Variants in NRG3 observed in about 807,000 individuals in gnomAD.
NRG3 encodes neuregulin 3.
Under a neutral mutation model 66.9 loss-of-function variants are expected in NRG3, and 31 were observed. The observed-to-expected ratio is 0.46, with a 90% CI of 0.35 to 0.63. The LOEUF (loss-of-function observed/expected upper bound fraction) is 0.63, where lower values mean the gene tolerates loss of function less well. Among genes scored for constraint, NRG3 ranks in the 20% least tolerant of loss-of-function variants. NRG3 has a pLI of 0.00. For synonymous variants in NRG3, 393 were observed against 359.4 expected, an observed-to-expected ratio of 1.09 and a Z score of -1.06; for missense variants, 910 against 878.9, an observed-to-expected ratio of 1.04 and a Z score of -0.45.
chr10:82,223,487 C>T (rs994683356), intron 1 of NRG3, among the ~76,000 whole-genome samples: 1 of 152,142 alleles, frequency 6.6e-6, no homozygotes, highest in Admixed American at 6.5e-5. Context: ...ACCTTGGCCG[C>T]TTTTCCCCCT....
chr10:82,876,571 A>C (rs914270130), intron 4 of NRG3, among the ~76,000 whole-genome samples: 2 of 152,224 alleles, frequency 1.3e-5, no homozygotes, highest in Non-Finnish European at 2.9e-5. Flanking sequence ...AATCAGACAC[A>C]GAATAATCTG....
chr10:82,106,613 C>T (rs751276730), intron 1 of NRG3, among the ~76,000 whole-genome samples: 1 of 151,204 alleles, frequency 6.6e-6, no homozygotes, highest in Non-Finnish European at 1.5e-5. Flanking sequence ...TCAAGTGATT[C>T]TCCTGCCTCA....
intron 1 of NRG3, among the ~76,000 whole-genome samples, chr10:82,346,241 C>A (rs2135445498): frequency 6.6e-6 from 1 of 150,514 alleles, no homozygotes; most frequent in African/African-American, 2.5e-5. Flanking sequence ...TACGTCCCAT[C>A]AATATCTAAT....
At position 82,433,996 on chromosome 10, in the gene NRG3, G is replaced by A. The variant is rs376938148; in HGVS notation, c.953+75128G>A. Reference sequence around the variant, plus strand: ...TCTAATTCTGTGAAGAATGTCAATGGTAGTTTGATGGGAATAACATTGAAT... The same window carrying A: ...TCTAATTCTGTGAAGAATGTCAATGATAGTTTGATGGGAATAACATTGAAT... On this transcript the variant is annotated intron_variant, in intron 2 of 8. Transcript: ENST00000372141. Among the ~76,000 whole-genome samples the A allele has an allele frequency of 5.3e-5, 8 of 152,256 alleles. No homozygotes were observed. The East Asian group carries it at 1.2e-3, about 22-fold the overall frequency.
intron 2 of NRG3, among the ~76,000 whole-genome samples, chr10:82,615,659 G>A (rs2048599189): frequency 6.6e-6 from 1 of 152,138 alleles, no homozygotes; most frequent in South Asian, 2.1e-4. Flanking sequence ...AGAAGTGGTG[G>A]TTTGTACTAG....
intron 2 of NRG3, among the ~76,000 whole-genome samples, chr10:82,427,270 G>A (rs1160243950): frequency 6.6e-6 from 1 of 152,022 alleles, no homozygotes; most frequent in Non-Finnish European, 1.5e-5. Flanking sequence ...TTATTTTAGG[G>A]GGAAAGCGCT....
rs61137718 is a variant in NRG3 at position 81,994,540 on chromosome 10, C to CT, written c.823+118387dup. On this transcript the variant is annotated intron_variant, in intron 1 of 8. Transcript: ENST00000372141. ...GTTAGGTTAAGTATGCCTTTAACTG[C>CT]TTTTTTTTTTCCTTGCATAAAGGAT... is the stretch of plus-strand genomic sequence containing the variant. Among the ~76,000 whole-genome samples the CT allele has an allele frequency of 3.0e-3, 447 of 149,418 alleles. 3 individuals are homozygous for CT. The highest frequency in any genetic ancestry group is 0.017 in the Middle Eastern group (5 of 288).
intron 2 of NRG3, among the ~76,000 whole-genome samples, chr10:82,520,231 T>C (rs1315309370): frequency 1.3e-5 from 2 of 150,840 alleles, no homozygotes; most frequent in Non-Finnish European, 2.9e-5. Context: ...GATGATTTTC[T>C]GTCCACATCC....
At chr10:82,333,790 A>G (rs1487268478) in intron 1 of NRG3, among the ~76,000 whole-genome samples, 1 of 152,020 alleles carries the variant, frequency 6.6e-6, no homozygotes, top group African/African-American at 2.4e-5. Flanking sequence ...TTTCTCATGG[A>G]AAAATGTCGT....
chr10:81,965,121 C>T (rs894652622), intron 1 of NRG3, among the ~76,000 whole-genome samples: 7 of 152,130 alleles, frequency 4.6e-5, no homozygotes, highest in East Asian at 1.9e-4. Flanking sequence ...GACGAATTTC[C>T]GGAAAGTGCT....
chr10:82,167,211 T>C (rs2072152741), intron 1 of NRG3, among the ~76,000 whole-genome samples: 1 of 152,120 alleles, frequency 6.6e-6, no homozygotes, highest in Admixed American at 6.6e-5. Context: ...TGTCAGACAT[T>C]GCAAATTTTA....
chr10:82,801,051 G>A (rs2061012930), intron 3 of NRG3, among the ~76,000 whole-genome samples: 1 of 152,206 alleles, frequency 6.6e-6, no homozygotes, highest in South Asian at 2.1e-4. Context: ...TTCAGATAGA[G>A]AAATAGTGGT....
At chr10:82,725,922 G>A (rs2057571920) in intron 2 of NRG3, among the ~76,000 whole-genome samples, 2 of 152,094 alleles carry the variant, frequency 1.3e-5, no homozygotes, top group South Asian at 4.1e-4. Flanking sequence ...ACACGGTGAA[G>A]CCCTAACTCC....
intron 1 of NRG3, among the ~76,000 whole-genome samples, chr10:82,193,605 G>A (rs761773012): frequency 6.6e-6 from 1 of 152,152 alleles, no homozygotes; most frequent in Non-Finnish European, 1.5e-5. Context: ...GAAAAGAAGT[G>A]GAGTGATTAG....
intron 2 of NRG3, among the ~76,000 whole-genome samples, chr10:82,672,517 C>T (rs2053361036): frequency 6.6e-6 from 1 of 152,096 alleles, no homozygotes; most frequent in South Asian, 2.1e-4. Context: ...AATGAGCTTT[C>T]TGCCTTCATT....
intron 1 of NRG3, among the ~76,000 whole-genome samples, chr10:82,282,234 A>G (rs1381299048): frequency 6.6e-6 from 1 of 151,042 alleles, no homozygotes; most frequent in East Asian, 2.0e-4. Context: ...AAACATTTTA[A>G]TTTTGAAAAC....
chr10:82,238,207 T>C (rs1035303266), intron 1 of NRG3, among the ~76,000 whole-genome samples: 4 of 152,124 alleles, frequency 2.6e-5, no homozygotes, highest in Admixed American at 2.6e-4. Flanking sequence ...GTAGTGTTGT[T>C]TTGCTATTTT....
intron 4 of NRG3, among the ~76,000 whole-genome samples, chr10:82,874,786 C>T (rs1841657857): frequency 6.6e-6 from 1 of 152,118 alleles, no homozygotes; most frequent in Non-Finnish European, 1.5e-5. Flanking sequence ...TGTCTTTCTC[C>T]AGAGCTCTTG....
chr10:82,378,852 T>A (rs2085430705), intron 2 of NRG3, among the ~76,000 whole-genome samples: 1 of 152,136 alleles, frequency 6.6e-6, no homozygotes, highest in Admixed American at 6.5e-5. Flanking sequence ...ATTACAGGCA[T>A]GAGCCGCCGC....
Sources: allele counts gnomAD v4.1 joint callset (sites outside exome capture counted in the v4.1 genomes callset), GRCh38; gene constraint gnomAD v4.1.1; transcripts MANE v1.5; gene names NCBI Gene and HGNC (gene_info 2026-07-23, HGNC 2026-07-21).